Variants in AJAP1 observed in about 807,000 individuals in gnomAD.
The protein encoded by AJAP1 is adherens junctions associated protein 1.
A neutral mutation model predicts 35.0 loss-of-function variants in AJAP1; 5 were observed. That is an observed-to-expected ratio of 0.14 (90% CI 0.07 to 0.30). The LOEUF (loss-of-function observed/expected upper bound fraction) is 0.30, where lower values mean the gene tolerates loss of function less well. AJAP1 is among the 10% of genes least tolerant of loss of function. The pLI is 1.00. For synonymous variants in AJAP1, 284 were observed against 249.3 expected (o/e 1.14, Z -1.31); for missense variants, 586 against 571.0 (o/e 1.03, Z -0.27).
rs1166044460 is a variant in AJAP1 at position 4,655,414 on chromosome 1, C to T, written c.-12C>T. 3.2e-6 allele frequency: 5 copies of T among 1,562,558 alleles called. No individual in the cohort carries two copies. The highest frequency in any genetic ancestry group is 3.6e-5 in the Admixed American group (2 of 54,926). ...GAGCCAGGTCTGAGGCCCCGCTCCC[C>T]GAAACGTGACCATGTGGATTCAACA... On this transcript the variant is annotated 5_prime_UTR_variant, in exon 1 of 6. Transcript: ENST00000378191. The surrounding 1 kb of genome is among the most constrained non-coding windows in gnomAD (Gnocchi z 6.9).
chr1:4,755,176 T>A (rs988092435), intron 2 of AJAP1, among the ~76,000 whole-genome samples: 2 of 152,148 alleles, frequency 1.3e-5, no homozygotes, highest in Middle Eastern at 3.2e-3. Flanking sequence ...GCCTTTCGAG[T>A]GCATCTATTT....
Position 4,655,570 on chromosome 1 carries a change from G to A in AJAP1, c.29+116G>A. ...GACCCCTCTTCGCTTCCCGCAAGCGGGCAACGGGGTGCACCGGTAGCCGGA... is the reference window on the plus strand; with the variant it reads ...GACCCCTCTTCGCTTCCCGCAAGCGAGCAACGGGGTGCACCGGTAGCCGGA... On this transcript the variant is annotated intron_variant, in intron 1 of 5. Coordinates refer to ENST00000378191, the MANE Select transcript of AJAP1 (RefSeq NM_018836.4). The surrounding 1 kb of genome is among the most constrained non-coding windows in gnomAD (Gnocchi z 6.9). 2.2e-6 allele frequency: 3 copies of A among 1,335,410 alleles called. No homozygotes were observed. The highest frequency in any genetic ancestry group is 2.0e-6 in the Non-Finnish European group (2 of 985,890). The allele number at this position is 1,335,410 out of a possible 1,614,324, so 82.7% of individuals were successfully genotyped here. A position where few individuals can be genotyped will look rare whatever the true frequency, so the allele number is the denominator to read the frequency against.
intron 1 of AJAP1, among the ~76,000 whole-genome samples, chr1:4,696,156 G>A (rs573448329): frequency 1.5e-4 from 23 of 151,000 alleles, no homozygotes; most frequent in African/African-American, 4.1e-4. Flanking sequence ...TGGGTTGAGG[G>A]GGGGAGCAGG....
chr1:4,752,956 G>C (rs145752670), intron 2 of AJAP1, among the ~76,000 whole-genome samples: 1 of 152,230 alleles, frequency 6.6e-6, no homozygotes, highest in East Asian at 1.9e-4. Flanking sequence ...ACCCTTCCTG[G>C]GGTGCTCCTT....
At chr1:4,741,512 A>C (rs902162960) in intron 2 of AJAP1, among the ~76,000 whole-genome samples, 28 of 152,212 alleles carry the variant, frequency 1.8e-4, no homozygotes, top group African/African-American at 6.5e-4. Context: ...ACCTCATCTT[A>C]ATTCATTCTT....
At chr1:4,681,823 G>T (rs1639489886) in intron 1 of AJAP1, among the ~76,000 whole-genome samples, 1 of 152,078 alleles carries the variant, frequency 6.6e-6, no homozygotes, top group Non-Finnish European at 1.5e-5. Context: ...CTATGAACTT[G>T]GGCGATTCAC....
chr1:4,715,345 A>G (rs1207802786), intron 2 of AJAP1, among the ~76,000 whole-genome samples: 1 of 152,210 alleles, frequency 6.6e-6, no homozygotes, highest in East Asian at 1.9e-4. Context: ...TGACCCTGGA[A>G]AAGGTCTCTC....
chr1:4,711,402 C>T (rs1441179027), intron 1 of AJAP1, among the ~76,000 whole-genome samples: 3 of 152,116 alleles, frequency 2.0e-5, no homozygotes, highest in African/African-American at 7.2e-5. Flanking sequence ...CCCCAGTGGG[C>T]GGGGGGTGGC....
chr1:4,722,368 G>C (rs544226041), intron 2 of AJAP1, among the ~76,000 whole-genome samples: 1 of 152,196 alleles, frequency 6.6e-6, no homozygotes, highest in Non-Finnish European at 1.5e-5. Flanking sequence ...GACCTGTGGC[G>C]TCCATACCTG....
Position 4,734,089 on chromosome 1 carries a change from G to A in AJAP1, c.829+21390G>A, listed in dbSNP as rs537976443. ...GGCTCAGCCCAGGAAAAGCGAGAGC[G>A]ATTTGCAAAAGGCCCCTTCAATCAT... On this transcript the variant is annotated intron_variant, in intron 2 of 5. Coordinates refer to ENST00000378191, the MANE Select transcript of AJAP1 (RefSeq NM_018836.4). This position sits in a 1 kb window ranked among gnomAD's most constrained non-coding sequence, Gnocchi z 4.3. Among the ~76,000 whole-genome samples, 7 of 152,270 alleles carry A rather than the reference G, an allele frequency of 4.6e-5. No individual in the cohort carries two copies. The highest frequency in any genetic ancestry group is 3.9e-4 in the East Asian group (2 of 5,168).
At chr1:4,765,474 A>AGAGAAACATGAGTGAAGAAG (rs1557645521) in intron 2 of AJAP1, among the ~76,000 whole-genome samples, 2 of 148,502 alleles carry the variant, frequency 1.3e-5, no homozygotes, top group African/African-American at 5.0e-5. Context: ...GAGAGTATTG[A>AGAGAAACATGAGTGAAGAAG]GAGAGACATG....
intron 2 of AJAP1, among the ~76,000 whole-genome samples, chr1:4,738,277 C>T (rs2100310640): frequency 6.6e-6 from 1 of 152,304 alleles, no homozygotes; most frequent in Admixed American, 6.5e-5. Context: ...GGGTGATTGT[C>T]TGGAAATTCA....
At chr1:4,696,254 C>T (rs1402001445) in intron 1 of AJAP1, among the ~76,000 whole-genome samples, 2 of 152,192 alleles carry the variant, frequency 1.3e-5, no homozygotes, top group African/African-American at 4.8e-5. Flanking sequence ...CTTCAAGTCA[C>T]AGCCACTGCT....
chr1:4,689,822 C>T (rs540835577), intron 1 of AJAP1, among the ~76,000 whole-genome samples: 1 of 152,220 alleles, frequency 6.6e-6, no homozygotes, highest in Non-Finnish European at 1.5e-5. Flanking sequence ...AACAGCCCCG[C>T]CAAGGCCGCC....
intron 2 of AJAP1, among the ~76,000 whole-genome samples, chr1:4,738,036 T>C (rs747710652): frequency 2.2e-4 from 34 of 152,242 alleles, no homozygotes; most frequent in Non-Finnish European, 4.6e-4. Context: ...AGCACCTGCC[T>C]GGGGGAAACA....
intron 1 of AJAP1, among the ~76,000 whole-genome samples, chr1:4,680,193 A>G (rs757709832): frequency 4.6e-5 from 7 of 152,160 alleles, no homozygotes; most frequent in African/African-American, 9.7e-5. Flanking sequence ...AAGAGCAATC[A>G]GCTTTACTCA....
chr1:4,738,643 TAGG>T (rs1640988039), intron 2 of AJAP1, among the ~76,000 whole-genome samples: 1 of 152,048 alleles, frequency 6.6e-6, no homozygotes, highest in Non-Finnish European at 1.5e-5. Context: ...GTGCAGAGAC[TAGG>T]AGAAGCCGCT....
intron 1 of AJAP1, among the ~76,000 whole-genome samples, chr1:4,658,334 C>T (rs974644458): frequency 6.6e-6 from 1 of 152,186 alleles, no homozygotes; most frequent in Admixed American, 6.5e-5. Flanking sequence ...TCACAGTTCC[C>T]CAAGCCCTCT....
intron 1 of AJAP1, among the ~76,000 whole-genome samples, chr1:4,658,271 G>T (rs375638664): frequency 1.3e-5 from 2 of 152,176 alleles, no homozygotes; most frequent in African/African-American, 4.8e-5. Flanking sequence ...CCCGCTCCAA[G>T]GTTCTGGGGC....
Sources: allele counts gnomAD v4.1 joint callset (sites outside exome capture counted in the v4.1 genomes callset), GRCh38; gene constraint gnomAD v4.1.1; non-coding constraint Gnocchi (gnomAD v3.1); transcripts MANE v1.5; gene names NCBI Gene and HGNC (gene_info 2026-07-23, HGNC 2026-07-21).